Variants in ACSM4 observed in about 807,000 individuals in gnomAD.
ACSM4 encodes the protein acyl-coenzyme A synthetase ACSM4, mitochondrial.
ACSM4 carries 66 observed loss-of-function variants against 73.0 expected under a neutral mutation model. The observed-to-expected ratio is 0.90, with a 90% CI of 0.74 to 1.11. The LOEUF is 1.11. Ranked by LOEUF, ACSM4 falls within the 50% of genes least tolerant of loss-of-function variation. The pLI, the probability that ACSM4 is intolerant of heterozygous loss-of-function variation, is 0.00. For missense variants in ACSM4, 645 were observed against 714.4 expected, an observed-to-expected ratio of 0.90 and a Z score of 1.11; for synonymous variants, 222 against 254.0, an observed-to-expected ratio of 0.87 and a Z score of 1.20.
At chr12:7,326,320 T>C (rs1029793681) in intron 11 of ACSM4, among the ~76,000 whole-genome samples, 1 of 152,180 alleles carries the variant, frequency 6.6e-6, no homozygotes, top group Non-Finnish European at 1.5e-5. Context: ...TCCTCCTGCC[T>C]CAGGCTCTCA....
intron 3 of ACSM4, among the ~76,000 whole-genome samples, chr12:7,312,121 T>C (rs1946394408): frequency 6.6e-6 from 1 of 152,238 alleles, no homozygotes; most frequent in Non-Finnish European, 1.5e-5. Context: ...CTACTTGCTA[T>C]CTGCCCCTTT....
At position 7,310,532 on chromosome 12, in the gene ACSM4, T is replaced by A. The variant is rs1212641591; in HGVS notation, c.413-7T>A. 1.3e-6 allele frequency: 2 copies of A among 1,599,520 alleles called. No individual in the cohort carries two copies. Among genetic ancestry groups the A allele is most frequent in the African/African-American group, 2.7e-5 (2 of 74,618 alleles). On this transcript the variant is annotated splice_polypyrimidine_tract_variant and splice_region_variant and intron_variant, in intron 2 of 12. Transcript: ENST00000399422. The stretch of plus-strand genomic sequence containing the variant: ...CTGTTCAGTGCAGGGCCCTCTGTCC[T>A]TCCCAGGGATCATCTTCATGCCGGG...
chr12:7,328,690 G>T lies in ACSM4; in HGVS notation c.*317G>T. 6.0e-6 allele frequency: 1 copy of T among 167,552 alleles called. No individual in the cohort carries two copies. Among genetic ancestry groups the T allele is most frequent in the Non-Finnish European group, 1.3e-5 (1 of 78,222 alleles). The allele number at this position is 167,552 out of a possible 1,614,324, so 10.4% of individuals were successfully genotyped here. ...TGAATCTGTATTTCATTTACCTTGT[G>T]CCTGATTGATTCAAAATAAACATAT... On this transcript the variant is annotated 3_prime_UTR_variant, in exon 13 of 13. Coordinates refer to ENST00000399422, the MANE Select transcript of ACSM4 (RefSeq NM_001080454.2).
intron 3 of ACSM4, among the ~76,000 whole-genome samples, chr12:7,314,041 T>C (rs1946404905): frequency 1.3e-5 from 2 of 152,172 alleles, no homozygotes; most frequent in Admixed American, 6.5e-5. Flanking sequence ...TTGAGCCTCA[T>C]CTAGGGCAGA....
At chr12:7,311,031 T>G (rs985975198) in intron 3 of ACSM4, among the ~76,000 whole-genome samples, 2 of 151,978 alleles carry the variant, frequency 1.3e-5, no homozygotes, top group African/African-American at 4.8e-5. Flanking sequence ...CTGGGCGTGG[T>G]GATGCCTGCC....
rs1411001398 is a variant in ACSM4 at position 7,316,407 on chromosome 12, T to C, written c.621-730T>C. ...GGCAGGGGAAGAAGGCTGCATCTCT[T>C]CCTCATGACTCTTTTTAGAACAAGA... On this transcript the variant is annotated intron_variant, in intron 3 of 12. Transcript: ENST00000399422. Among the ~76,000 whole-genome samples, 7 of 152,304 alleles carry C rather than the reference T, an allele frequency of 4.6e-5. No homozygotes were observed. The South Asian group carries it at 1.2e-3, about 27-fold the overall frequency.
chr12:7,305,812 TA>T (rs1324986182), intron 1 of ACSM4, among the ~76,000 whole-genome samples: 1 of 152,072 alleles, frequency 6.6e-6, no homozygotes, highest in African/African-American at 2.4e-5. Flanking sequence ...CCAGAGAAGA[TA>T]AAAGAAGCAT....
chr12:7,321,668 T>TCC (rs1946464744), intron 6 of ACSM4, among the ~76,000 whole-genome samples: 1 of 152,248 alleles, frequency 6.6e-6, no homozygotes, highest in African/African-American at 2.4e-5. Context: ...ATTTGGGGCC[T>TCC]CAGTGTATGA....
At position 7,324,689 on chromosome 12, in the gene ACSM4, T is replaced by G. The variant is rs191146421; in HGVS notation, c.1536+91T>G. On this transcript the variant is annotated intron_variant, in intron 11 of 12. Coordinates refer to ENST00000399422, the MANE Select transcript of ACSM4 (RefSeq NM_001080454.2). ...TAAAGGCTGAACCAAGAGAGGTCAA[T>G]CTATTAATTCTCGTTATGAAGCATG... 269 of 1,359,976 alleles carry G rather than the reference T, an allele frequency of 2.0e-4. No individual in the cohort carries two copies. In the African/African-American group the frequency reaches 3.5e-3, roughly 18 times the overall value. The allele number at this position is 1,359,976 out of a possible 1,614,324, so 84.2% of individuals were successfully genotyped here.
intron 3 of ACSM4, 34 bp downstream of exon 3, chr12:7,310,780 G>T (rs1261179410): frequency 1.3e-6 from 2 of 1,582,282 alleles, no homozygotes; most frequent in Non-Finnish European, 1.7e-6. Context: ...TACACTGCTG[G>T]CAACAACACA....
chr12:7,324,175 A>G lies in ACSM4; in HGVS notation c.1309-98A>G, dbSNP rs988718374. 25 of 1,419,126 alleles carry G rather than the reference A, an allele frequency of 1.8e-5. No individual in the cohort carries two copies. In the African/African-American group the frequency reaches 2.8e-4, roughly 16 times the overall value. The allele number at this position is 1,419,126 out of a possible 1,614,324, so 87.9% of individuals were successfully genotyped here. ...TGTCTCAAAAAAAAAAAAATTTCCT[A>G]TATAAGTAGGATGTGTAATGTACTA... On this transcript the variant is annotated intron_variant, in intron 9 of 12. Coordinates refer to ENST00000399422, the MANE Select transcript of ACSM4 (RefSeq NM_001080454.2).
At chr12:7,309,597 C>G (rs1346954682) in intron 2 of ACSM4, among the ~76,000 whole-genome samples, 1 of 152,126 alleles carries the variant, frequency 6.6e-6, no homozygotes, top group Non-Finnish European at 1.5e-5. Context: ...GGGACGGAAT[C>G]TCACTATGTT....
Position 7,309,389 on chromosome 12 carries a change from A to G in ACSM4, c.413-1150A>G, listed in dbSNP as rs1946378075. On this transcript the variant is annotated intron_variant, in intron 2 of 12. Transcript: ENST00000399422. ...AAACAGTAGTCTCTAGGCATTTTTGACTGTATAATCTATCAATAAAAATAT... is the reference window on the plus strand; with the variant it reads ...AAACAGTAGTCTCTAGGCATTTTTGGCTGTATAATCTATCAATAAAAATAT... Among the ~76,000 whole-genome samples, 4 of 152,264 alleles carry G rather than the reference A, an allele frequency of 2.6e-5. No homozygotes were observed. In the South Asian group the frequency reaches 8.3e-4, roughly 32 times the overall value.
chr12:7,326,937 A>T (rs747064340), intron 11 of ACSM4, 39 bp from the exon 12 acceptor site: 1 of 1,549,410 alleles, frequency 6.5e-7, no homozygotes, highest in Non-Finnish European at 8.7e-7. Flanking sequence ...ATGTGTCTGA[A>T]AAACAAATGA....
chr12:7,304,430 G>A lies in ACSM4; in HGVS notation c.99G>A (p.Leu33=). The A allele has an allele frequency of 6.2e-7, 1 of 1,613,994 alleles. No homozygotes were observed. Among genetic ancestry groups the A allele is most frequent in the African/African-American group, 1.3e-5 (1 of 75,060 alleles). ...LHKDHQLWTP[L]TLADFEAINR... The stretch of plus-strand genomic sequence containing the variant: ...AAGATCACCAGCTTTGGACGCCTCT[G>A]ACTCTTGCTGACTTTGAAGCCATAA... Residue 33 remains leucine (L), a synonymous_variant, in exon 1 of 13, where the codon CTG becomes CTA. Coordinates refer to ENST00000399422, the MANE Select transcript of ACSM4 (RefSeq NM_001080454.2).
Position 7,306,686 on chromosome 12 carries a change from GT to G in ACSM4, c.356del (p.Val119GlyfsTer14). On this transcript the variant is annotated frameshift_variant, in exon 2 of 13. Transcript: ENST00000399422. LOFTEE classifies it high-confidence loss of function. ...CGLQRGDRLA[V>X]ILPRIPEWWL... ...CCTGCAGAGAGGAGACCGTTTGGCC[GT>G]GATTCTGCCCAGAATCCCTGAGTGG... The G allele has an allele frequency of 6.2e-7, 1 of 1,611,362 alleles. No homozygotes were observed.
At position 7,324,404 on chromosome 12, in the gene ACSM4, T is replaced by C; in HGVS notation, c.1436+4T>C. 1 of 1,614,128 alleles carries C rather than the reference T, an allele frequency of 6.2e-7. No individual in the cohort carries two copies. Among genetic ancestry groups the C allele is most frequent in the African/African-American group, 1.3e-5 (1 of 75,054 alleles). The stretch of plus-strand genomic sequence containing the variant: ...ATGATGTCATTATATCCTCTGGGTT[T>C]GTATATTTGCCACTCTGAAGAGGTA... On this transcript the variant is annotated splice_donor_region_variant and intron_variant, in intron 10 of 12. Transcript: ENST00000399422.
Position 7,304,197 on chromosome 12 carries a change from C to A in ACSM4, c.-135C>A. Reference sequence around the variant, plus strand: ...TGTTTTTCAGGTGTTCCCCAACTTGCCAGGGACACACAGCCACAAATCCAC... The same window carrying A: ...TGTTTTTCAGGTGTTCCCCAACTTGACAGGGACACACAGCCACAAATCCAC... On this transcript the variant is annotated 5_prime_UTR_variant, in exon 1 of 13. Transcript: ENST00000399422. 4 of 922,652 alleles carry A rather than the reference C, an allele frequency of 4.3e-6. No individual in the cohort carries two copies. The highest frequency in any genetic ancestry group is 6.7e-6 in the Non-Finnish European group (4 of 599,340). The allele number at this position is 922,652 out of a possible 1,614,324, so 57.2% of individuals were successfully genotyped here.
intron 2 of ACSM4, among the ~76,000 whole-genome samples, chr12:7,308,234 G>A (rs1011199502): frequency 1.6e-4 from 24 of 152,212 alleles, no homozygotes; most frequent in South Asian, 1.4e-3. Flanking sequence ...ACTTGCAAAT[G>A]TTAAACCAGT....
Sources: allele counts gnomAD v4.1 joint callset (sites outside exome capture counted in the v4.1 genomes callset), GRCh38; gene constraint gnomAD v4.1.1; transcripts MANE v1.5; gene names NCBI Gene and HGNC (gene_info 2026-07-23, HGNC 2026-07-21).